Variants in PAN2 observed in about 807,000 individuals in gnomAD.
The protein encoded by PAN2 is poly(A) specific ribonuclease subunit PAN2, also known as PAN2-PAN3 deadenylation complex catalytic subunit PAN2.
Under a neutral mutation model 133.3 loss-of-function variants are expected in PAN2, and 68 were observed. That is an observed-to-expected ratio of 0.51 (90% CI 0.42 to 0.62). The LOEUF is 0.62. PAN2 is among the 20% of genes least tolerant of loss of function. The pLI is 0.00. For synonymous variants in PAN2, 462 were observed against 544.6 expected (o/e 0.85, Z 2.11); for missense variants, 1,042 against 1,500.5 (o/e 0.69, Z 5.05).
chr12:56,327,249 T>C, intron 6 of PAN2, 115 bp downstream of exon 6: 5 of 1,167,890 alleles, frequency 4.3e-6, no homozygotes, highest in Non-Finnish European at 6.2e-6. Flanking sequence ...CTTGGGACCC[T>C]GATGAAAGGT....
chr12:56,322,765 G>A lies in PAN2; in HGVS notation c.2494-7C>T. On this transcript the variant is annotated splice_region_variant and splice_polypyrimidine_tract_variant and intron_variant, in intron 17 of 25. Coordinates refer to ENST00000440411, the MANE Select transcript of PAN2 (RefSeq NM_014871.6). ...CTGCCCTGGCTGGGCCCCACTGTGAGGGGGGTACCCAGGCTGCTAAGCTAA... is the reference window on the plus strand; with the variant it reads ...CTGCCCTGGCTGGGCCCCACTGTGAAGGGGGTACCCAGGCTGCTAAGCTAA... The A allele has an allele frequency of 6.2e-7, 1 of 1,610,284 alleles. No homozygotes were observed. Among genetic ancestry groups the A allele is most frequent in the Non-Finnish European group, 8.5e-7 (1 of 1,178,960 alleles).
intron 12 of PAN2, 52 bp from the exon 13 acceptor site, chr12:56,324,237 T>A: frequency 6.2e-7 from 1 of 1,611,252 alleles, no homozygotes; most frequent in Non-Finnish European, 8.5e-7. Context: ...GGAGACCTTT[T>A]AAATCACAGA....
chr12:56,319,106 G>A lies in PAN2; in HGVS notation c.3346C>T (p.Leu1116Phe). Residue 1116 changes from leucine (L) to phenylalanine (F), a missense_variant, in exon 24 of 26, where the codon CTT becomes TTT. Physicochemically the swap from Leu to Phe is conservative, Grantham distance 22. This residue lies in a region of PAN2 where 85 missense variants were observed against 116.5 expected (regional missense o/e 0.73). Transcript: ENST00000440411. The surrounding 1 kb of genome is among the most constrained non-coding windows in gnomAD (Gnocchi z 5.4). ...PRKRMISLRF[L>F]AWYFLDLKIQ... The stretch of plus-strand genomic sequence containing the variant: ...AACTCACCCAGAAAGTACCAAGCAA[G>A]GAATCGCAGGGAAATCATTCGTTTT... The A allele has an allele frequency of 6.2e-7, 1 of 1,614,150 alleles. No homozygotes were observed. The highest frequency in any genetic ancestry group is 1.1e-5 in the South Asian group (1 of 91,080).
In PAN2 at chr12:56,318,449, G is replaced by A. The variant is rs1284088660; in HGVS notation, c.3365-15C>T. 2 of 1,608,136 alleles carry A rather than the reference G, an allele frequency of 1.2e-6. No homozygotes were observed. The highest frequency in any genetic ancestry group is 8.5e-7 in the Non-Finnish European group (1 of 1,174,566). ...AATCTTCAGGTCTGGGGTAAGTAAAGGTGGAATAGTTTGGGACCCAGCAAA... is the reference window on the plus strand; with the variant it reads ...AATCTTCAGGTCTGGGGTAAGTAAAAGTGGAATAGTTTGGGACCCAGCAAA... On this transcript the variant is annotated splice_polypyrimidine_tract_variant and intron_variant, in intron 24 of 25. Coordinates refer to ENST00000440411, the MANE Select transcript of PAN2 (RefSeq NM_014871.6).
rs1289062439 is a variant in PAN2 at position 56,333,088 on chromosome 12, A to G, written c.7T>C (p.Phe3Leu). The change falls in exon 2 of 26, where the codon TTT (phenylalanine) becomes CTT (leucine). Residue 3 changes from phenylalanine (F) to leucine (L), a missense_variant. Physicochemically the swap from Phe to Leu is conservative, Grantham distance 22. Coordinates refer to ENST00000440411, the MANE Select transcript of PAN2 (RefSeq NM_014871.6). ...GCCAGTCCAGGGTCCAGACCCTCAA[A>G]GTTCATGATGACGATGGCAGCTTAC... Reference protein sequence around the residue: MNFEGLDPGLAEY... With the variant: MNLEGLDPGLAEY... 6 of 1,613,184 alleles carry G rather than the reference A, an allele frequency of 3.7e-6. No individual in the cohort carries two copies. The Admixed American group carries it at 5.0e-5, about 13-fold the overall frequency.
chr12:56,325,368 T>C lies in PAN2; in HGVS notation c.1446A>G (p.Pro482=). ...ATTTCTTAGAAACCATGTGGAGATGTGGTTCCTCTTCTCGTCCTACTGGTG... is the reference window on the plus strand; with the variant it reads ...ATTTCTTAGAAACCATGTGGAGATGCGGTTCCTCTTCTCGTCCTACTGGTG... ...TESPVGREEE[P]HLHMVSKKYR... Residue 482 remains proline (P), a synonymous_variant, in exon 9 of 26, where the codon CCA becomes CCG. Transcript: ENST00000440411. 1 of 1,614,186 alleles carries C rather than the reference T, an allele frequency of 6.2e-7. No homozygotes were observed. The highest frequency in any genetic ancestry group is 8.5e-7 in the Non-Finnish European group (1 of 1,180,000).
intron 25 of PAN2, 75 bp downstream of exon 25, chr12:56,318,162 G>T: frequency 8.0e-7 from 1 of 1,257,664 alleles, no homozygotes; most frequent in Non-Finnish European, 1.2e-6. Context: ...GGGTGACAGA[G>T]TGAGACCCTG....
intron 2 of PAN2, among the ~76,000 whole-genome samples, chr12:56,329,230 A>T (rs187454008): frequency 6.6e-6 from 1 of 152,206 alleles, no homozygotes; most frequent in Admixed American, 6.5e-5. Context: ...TGTATTCTCT[A>T]TGGTACCAAG....
Position 56,332,804 on chromosome 12 carries a change from A to T in PAN2, c.282+9T>A. On this transcript the variant is annotated intron_variant, in intron 2 of 25. Transcript: ENST00000440411. ...TCTTTCAACCCTCACAAAGGGGTAC[A>T]GTTCTTACCCCGTGGCTCCCCACCC... is the stretch of plus-strand genomic sequence containing the variant. The T allele has an allele frequency of 1.2e-6, 2 of 1,612,836 alleles. No homozygotes were observed. Among genetic ancestry groups the T allele is most frequent in the Non-Finnish European group, 1.7e-6 (2 of 1,178,910 alleles).
At chr12:56,322,964 T>G in intron 17 of PAN2, 98 bp downstream of exon 17, 1 of 1,470,152 alleles carries the variant, frequency 6.8e-7, no homozygotes, top group South Asian at 1.2e-5. Context: ...ATTCTCTTCC[T>G]TTTCCCTCTG....
chr12:56,326,553 G>T, intron 7 of PAN2, 64 bp downstream of exon 7: 2 of 1,528,100 alleles, frequency 1.3e-6, no homozygotes, highest in Non-Finnish European at 1.8e-6. Flanking sequence ...GGCTAGCAGA[G>T]AATTCTGGTA....
Position 56,326,751 on chromosome 12 carries a change from C to T in PAN2, c.1128G>A (p.Leu376=). ...GAGGCAGTGAGTCCACGAGACACGG[C>T]AAAGCAAACTCAGTCTCACGGGAGT... The part of the protein sequence containing the change: ...NPYSRETEFA[L]PCLVDSLPPL... The change falls in exon 7 of 26, where the codon TTG becomes TTA. Residue 376 remains leucine (L), a synonymous_variant. Transcript: ENST00000440411. The T allele has an allele frequency of 6.2e-7, 1 of 1,614,186 alleles. No individual in the cohort carries two copies. The highest frequency in any genetic ancestry group is 1.1e-5 in the South Asian group (1 of 91,088).
chr12:56,318,869 G>A (rs184146731), intron 24 of PAN2, among the ~76,000 whole-genome samples: 39 of 152,172 alleles, frequency 2.6e-4, no homozygotes, highest in Middle Eastern at 3.4e-3. Flanking sequence ...CCAACTTTTA[G>A]AGTCCCTAAT....
rs184784332 is a variant in PAN2 at position 56,332,638 on chromosome 12, G to T, written c.282+175C>A. 2.7e-3 allele frequency: 1,403 copies of T among 518,740 alleles called. 4 individuals are homozygous for T. The highest frequency in any genetic ancestry group is 3.9e-3 in the Non-Finnish European group (1,124 of 290,046). 32.1% of individuals were successfully genotyped at this position (518,740 alleles called of 1,614,324 possible). A position where few individuals can be genotyped will look rare whatever the true frequency, so the allele number is the denominator to read the frequency against. On this transcript the variant is annotated intron_variant, in intron 2 of 25. Coordinates refer to ENST00000440411, the MANE Select transcript of PAN2 (RefSeq NM_014871.6). ...AAAAAAAGGGATGCCTCCTGAGAAAGAATATGTCATTTACTCCTAGATCCT... is the reference window on the plus strand; with the variant it reads ...AAAAAAAGGGATGCCTCCTGAGAAATAATATGTCATTTACTCCTAGATCCT...
At chr12:56,324,920 G>C in intron 10 of PAN2, 89 bp downstream of exon 10, 1 of 1,502,698 alleles carries the variant, frequency 6.7e-7, no homozygotes, top group Admixed American at 1.9e-5. Flanking sequence ...GAACACGGCT[G>C]AGGAGACCTG....
chr12:56,328,311 C>T lies in PAN2; in HGVS notation c.500G>A (p.Ser167Asn). 1 of 1,609,984 alleles carries T rather than the reference C, an allele frequency of 6.2e-7. No individual in the cohort carries two copies. The highest frequency in any genetic ancestry group is 1.1e-5 in the South Asian group (1 of 90,578). Residue 167 changes from serine to asparagine, a missense_variant, in exon 4 of 26, where the codon AGC (serine) becomes AAC (asparagine). Transcript: ENST00000440411. Reference protein sequence around the residue: ...DMHSLLLTDSSTLLVGGLQNH... With the variant: ...DMHSLLLTDSNTLLVGGLQNH... Reference sequence around the variant, plus strand: ...CTGCAGCCCACCAACGAGTAGAGTGCTGCTGTCAGTCAGTAGGAGACTGTG... The same window carrying T: ...CTGCAGCCCACCAACGAGTAGAGTGTTGCTGTCAGTCAGTAGGAGACTGTG...
rs757039741 is a variant in PAN2, at chr12:56,328,565, C to T, written c.359G>A (p.Arg120Gln). 2.2e-5 allele frequency: 35 copies of T among 1,614,050 alleles called. 1 individual carries two copies. The South Asian group carries it at 2.7e-4, about 13-fold the overall frequency. ...ACCATTCTCCAGGCTCTGGATCTGC[C>T]GAATATCATCACTGCCATTGACTTG... ...SFQVNGSDDIRQIQSLENGIL... is the reference protein window; with the variant it reads ...SFQVNGSDDIQQIQSLENGIL... The change falls in exon 3 of 26, where the codon CGG becomes CAG. Residue 120 changes from arginine (R) to glutamine (Q), a missense_variant. Around this residue, in one of 3 missense-constraint regions of PAN2, gnomAD observed 908 missense variants for 1,223.5 expected, o/e 0.74. Transcript: ENST00000440411.
chr12:56,322,670 C>G lies in PAN2; in HGVS notation c.2582G>C (p.Gly861Ala). 1.2e-6 allele frequency: 2 copies of G among 1,614,208 alleles called. No homozygotes were observed. Among genetic ancestry groups the G allele is most frequent in the Non-Finnish European group, 1.7e-6 (2 of 1,180,054 alleles). ...TTTGATGTGAGCCACCAGGCTGCCC[C>G]CTGTGCGTGAGTCCAGGATGTGTAC... ...TVVHILDSRT[G>A]GSLVAHIKVG... Residue 861 changes from glycine (G) to alanine (A), a missense_variant, in exon 18 of 26, where the codon GGG (glycine) becomes GCG (alanine). This residue lies in a region of PAN2 where 908 missense variants were observed against 1,223.5 expected (regional missense o/e 0.74). Transcript: ENST00000440411.
rs1874047046 is a variant in PAN2 at position 56,317,564 on chromosome 12, A to G, written c.*45T>C. On this transcript the variant is annotated 3_prime_UTR_variant, in exon 26 of 26. Coordinates refer to ENST00000440411, the MANE Select transcript of PAN2 (RefSeq NM_014871.6). ...GAAGCCATCTCCCAGTTCTGGGGCT[A>G]TAGAACAGTAAAGGGAGAGGGCCGT... 1 of 1,578,248 alleles carries G rather than the reference A, an allele frequency of 6.3e-7. No homozygotes were observed. Among genetic ancestry groups the G allele is most frequent in the Non-Finnish European group, 8.7e-7 (1 of 1,148,126 alleles).
Sources: gnomAD v4.1 joint callset for allele counts (sites outside exome capture counted in the v4.1 genomes callset) on GRCh38, gnomAD v4.1.1 for gene constraint, gnomAD v4.1.1 regional missense constraint, Gnocchi (gnomAD v3.1) non-coding constraint, MANE v1.5 for transcripts, NCBI Gene and HGNC (gene_info 2026-07-23, HGNC 2026-07-21) for gene names.